Variants in VDAC2 observed in about 807,000 individuals in gnomAD.
The protein encoded by VDAC2 is non-selective voltage-gated ion channel VDAC2.
Under a neutral mutation model 36.6 loss-of-function variants are expected in VDAC2, and 6 were observed. That is an observed-to-expected ratio of 0.16 (90% CI 0.09 to 0.32). VDAC2 has a LOEUF of 0.32. Ranked by LOEUF, VDAC2 falls within the 10% of genes least tolerant of loss-of-function variation. The pLI, the probability that VDAC2 is intolerant of heterozygous loss-of-function variation, is 1.00. For synonymous variants in VDAC2, 109 were observed against 123.8 expected (o/e 0.88, Z 0.79); for missense variants, 247 against 346.0 (o/e 0.71, Z 2.27).
intron 2 of VDAC2, chr10:75,211,587 A>T: frequency 6.4e-7 from 1 of 1,550,588 alleles, no homozygotes; most frequent in Middle Eastern, 1.7e-4. Context: ...GGAATGAATG[A>T]GCTGGTGTAA....
At position 75,219,363 on chromosome 10, in the gene VDAC2, A is replaced by G. The variant is rs766931336; in HGVS notation, c.356+7A>G. ...CCTTCTCACCAAACACAGGGTAAGC[A>G]CAGACATTTTTATCTGTATTACATT... On this transcript the variant is annotated splice_region_variant and intron_variant, in intron 6 of 9. Transcript: ENST00000332211. 2 of 1,589,738 alleles carry G rather than the reference A, an allele frequency of 1.3e-6. No individual in the cohort carries two copies.
At chr10:75,217,773 T>A in intron 4 of VDAC2, 1 of 535,776 alleles carries the variant, frequency 1.9e-6, no homozygotes, top group Non-Finnish European at 2.9e-6. Flanking sequence ...ATGTAAGACC[T>A]AAGGATTTGT....
chr10:75,222,514 G>A, intron 8 of VDAC2, 112 bp downstream of exon 8: 2 of 1,395,070 alleles, frequency 1.4e-6, no homozygotes, highest in Admixed American at 2.2e-5. Context: ...CCAGTTTACA[G>A]ATAGATTAGT....
chr10:75,217,621 G>GC (rs1288298977), intron 4 of VDAC2, among the ~76,000 whole-genome samples: 2 of 152,052 alleles, frequency 1.3e-5, no homozygotes, highest in African/African-American at 4.8e-5. Context: ...CAAGTGATCG[G>GC]CCCGCCTTGG....
At chr10:75,213,242 C>CT (rs908426374) in intron 3 of VDAC2, among the ~76,000 whole-genome samples, 22 of 149,876 alleles carry the variant, frequency 1.5e-4, no homozygotes, top group Admixed American at 4.0e-4. Flanking sequence ...CCATGCCCAG[C>CT]TTTTTTTTTG....
intron 7 of VDAC2, among the ~76,000 whole-genome samples, chr10:75,221,409 T>TC (rs1841810097): frequency 6.6e-6 from 1 of 152,134 alleles, no homozygotes; most frequent in South Asian, 2.1e-4. Context: ...CTCGGCTCAC[T>TC]CCAACATCCG....
intron 2 of VDAC2, chr10:75,211,646 T>A: frequency 6.4e-7 from 1 of 1,550,570 alleles, no homozygotes. Flanking sequence ...GCCGAGGACT[T>A]GAGAGTCACA....
Position 75,219,081 on chromosome 10 carries a change from T to G in VDAC2, c.169T>G (p.Ser57Ala), listed in dbSNP as rs1243823503. Reference sequence around the variant, plus strand: ...TTGTTAGGAATTTTCAACGTCCGGTTCATCTAATACAGACACTGGTAAAGT... The same window carrying G: ...TTGTTAGGAATTTTCAACGTCCGGTGCATCTAATACAGACACTGGTAAAGT... ...CSGVEFSTSG[S>A]SNTDTGKVTG... The change falls in exon 5 of 10, where the codon TCA (serine) becomes GCA (alanine). Residue 57 changes from serine to alanine, a missense_variant. Physicochemically the swap from Ser to Ala is moderately conservative, Grantham distance 99 (BLOSUM62 1). Transcript: ENST00000332211. 1 of 1,606,358 alleles carries G rather than the reference T, an allele frequency of 6.2e-7. No individual in the cohort carries two copies. The highest frequency in any genetic ancestry group is 1.7e-5 in the Admixed American group (1 of 58,436).
intron 9 of VDAC2, 83 bp from the exon 10 acceptor site, chr10:75,230,815 G>A: frequency 5.9e-6 from 7 of 1,195,502 alleles, no homozygotes; most frequent in Non-Finnish European, 8.3e-6. Flanking sequence ...AGGCTCTGGG[G>A]ATGACTGTGA....
At chr10:75,227,441 C>T (rs1841984630) in intron 8 of VDAC2, among the ~76,000 whole-genome samples, 1 of 152,112 alleles carries the variant, frequency 6.6e-6, no homozygotes, top group South Asian at 2.1e-4. Flanking sequence ...TAGCTGGAGT[C>T]TGCTGCAGAA....
intron 8 of VDAC2, among the ~76,000 whole-genome samples, chr10:75,222,660 A>G (rs982449882): frequency 6.6e-6 from 1 of 152,144 alleles, no homozygotes; most frequent in African/African-American, 2.4e-5. Context: ...AGGCCTGTCT[A>G]AGTCCAGGTA....
At chr10:75,230,390 A>T (rs539518874) in intron 9 of VDAC2, among the ~76,000 whole-genome samples, 100 of 151,742 alleles carry the variant, frequency 6.6e-4, no homozygotes, top group Non-Finnish European at 1.1e-3. Context: ...ACATACTTTT[A>T]AAAAAATGTA....
At chr10:75,222,858 A>T (rs1159495146) in intron 8 of VDAC2, among the ~76,000 whole-genome samples, 2 of 151,638 alleles carry the variant, frequency 1.3e-5, no homozygotes, top group African/African-American at 4.9e-5. Flanking sequence ...TAGAGATGGG[A>T]TCTCCATATG....
At chr10:75,211,403 G>T (rs1203276732) in intron 2 of VDAC2, 3 of 1,437,798 alleles carry the variant, frequency 2.1e-6, no homozygotes, top group African/African-American at 2.9e-5. Flanking sequence ...GTCTGTGGCC[G>T]CATGGACTTT....
At chr10:75,229,292 A>G (rs77821967) in intron 8 of VDAC2, 162 of 168,814 alleles carry the variant, frequency 9.6e-4, no homozygotes, top group African/African-American at 3.8e-3. Context: ...TGTCACCTCT[A>G]GTGAGCCTGA....
intron 9 of VDAC2, among the ~76,000 whole-genome samples, chr10:75,230,605 T>C (rs1263571702): frequency 6.6e-6 from 1 of 152,250 alleles, no homozygotes; most frequent in Non-Finnish European, 1.5e-5. Context: ...ATTATGTCTT[T>C]AGTCTCTTTT....
At chr10:75,216,097 G>A (rs1841595737) in intron 4 of VDAC2, among the ~76,000 whole-genome samples, 1 of 152,208 alleles carries the variant, frequency 6.6e-6, no homozygotes, top group Admixed American at 6.5e-5. Context: ...GGAAGCTTAG[G>A]TGTTTAGTTA....
intron 7 of VDAC2, among the ~76,000 whole-genome samples, chr10:75,221,983 C>T (rs535240474): frequency 5.9e-5 from 9 of 152,242 alleles, no homozygotes; most frequent in South Asian, 4.1e-4. Flanking sequence ...ATATAAAATA[C>T]GTAACCAAAA....
intron 2 of VDAC2, chr10:75,211,619 T>C: frequency 6.4e-7 from 1 of 1,550,590 alleles, no homozygotes; most frequent in South Asian, 1.2e-5. Context: ...TGCCTGCCCT[T>C]AAGCAGCACA....
Sources: allele counts gnomAD v4.1 joint callset (sites outside exome capture counted in the v4.1 genomes callset), GRCh38; gene constraint gnomAD v4.1.1; transcripts MANE v1.5; gene names NCBI Gene and HGNC (gene_info 2026-07-23, HGNC 2026-07-21).